Variants in MAN1A1 observed in about 807,000 individuals in gnomAD.
MAN1A1 encodes the protein mannosidase alpha class 1A member 1.
A neutral mutation model predicts 70.8 loss-of-function variants in MAN1A1; 29 were observed. The ratio of observed to expected loss-of-function variants is 0.41; its 90% CI spans 0.31 to 0.56. The LOEUF (loss-of-function observed/expected upper bound fraction) is 0.56. Among genes scored for constraint, MAN1A1 ranks in the 20% least tolerant of loss-of-function variants. MAN1A1 has a pLI of 0.29. For synonymous variants in MAN1A1, 349 were observed against 330.1 expected (o/e 1.06, Z -0.62); for missense variants, 747 against 841.3 (o/e 0.89, Z 1.39).
At chr6:119,188,713 C>A in intron 10 of MAN1A1, 136 bp from the exon 11 acceptor site, 1 of 732,664 alleles carries the variant, frequency 1.4e-6, no homozygotes, top group Non-Finnish European at 2.2e-6. Context: ...CCGAGGATAA[C>A]AAAATCCATG....
intron 5 of MAN1A1, among the ~76,000 whole-genome samples, chr6:119,279,081 T>C (rs1776158544): frequency 6.6e-6 from 1 of 152,172 alleles, no homozygotes; most frequent in Admixed American, 6.5e-5. Context: ...TTCAATCTCA[T>C]GTTATCCTAG....
In MAN1A1 at chr6:119,348,797, G is replaced by A. The variant is rs901645240; in HGVS notation, c.269C>T (p.Pro90Leu). ...GGCCGCGTCCTCGGCGCGCGCCCCG[G>A]GCCCGGGCTTGTGGTCGGCGGCCGG... ...LQPAADHKPG[P>L]GARAEDAAEG... Residue 90 changes from proline to leucine, a missense_variant, in exon 2 of 13, where the codon CCC (proline) becomes CTC (leucine). Pro to Leu is a moderately conservative substitution (Grantham distance 98). This residue lies in a region of MAN1A1 where 328 missense variants were observed against 293.1 expected (regional missense o/e 1.12). Coordinates refer to ENST00000368468, the MANE Select transcript of MAN1A1 (RefSeq NM_005907.4). 6.8e-5 allele frequency: 98 copies of A among 1,437,082 alleles called. No individual in the cohort carries two copies. The highest frequency in any genetic ancestry group is 8.9e-5 in the Non-Finnish European group (97 of 1,090,470). The allele number at this position is 1,437,082 out of a possible 1,614,324, so 89.0% of individuals were successfully genotyped here.
chr6:119,229,756 G>C (rs1252776586), intron 6 of MAN1A1, among the ~76,000 whole-genome samples: 1 of 152,016 alleles, frequency 6.6e-6, no homozygotes, highest in Non-Finnish European at 1.5e-5. Flanking sequence ...TAAAAATAAA[G>C]AAAACAAACA....
At chr6:119,289,083 A>G (rs1363752557) in intron 5 of MAN1A1, among the ~76,000 whole-genome samples, 1 of 150,678 alleles carries the variant, frequency 6.6e-6, no homozygotes, top group Non-Finnish European at 1.5e-5. Flanking sequence ...ATATATATAC[A>G]TATCAAGTAT....
chr6:119,334,016 C>T (rs1007348307), intron 2 of MAN1A1, among the ~76,000 whole-genome samples: 7 of 152,174 alleles, frequency 4.6e-5, no homozygotes, highest in African/African-American at 1.4e-4. Flanking sequence ...CCCCAACTCT[C>T]CCAAAGACAC....
At chr6:119,330,169 C>G (rs1732663670) in intron 2 of MAN1A1, among the ~76,000 whole-genome samples, 2 of 148,648 alleles carry the variant, frequency 1.3e-5, no homozygotes, top group Admixed American at 1.3e-4. Context: ...TTGATGGCCT[C>G]AAGATTGGCA....
At chr6:119,298,371 C>T (rs1463673920) in intron 4 of MAN1A1, among the ~76,000 whole-genome samples, 3 of 152,028 alleles carry the variant, frequency 2.0e-5, no homozygotes, top group African/African-American at 7.2e-5. Context: ...ACTTCCTATG[C>T]CCTAATGAAA....
chr6:119,348,338 T>C, intron 2 of MAN1A1, 125 bp downstream of exon 2: 1 of 935,458 alleles, frequency 1.1e-6, no homozygotes, highest in Non-Finnish European at 1.6e-6. Context: ...CAGCACCTGG[T>C]GGAAGGGGCA....
At chr6:119,190,884 C>T (rs868173196) in intron 9 of MAN1A1, among the ~76,000 whole-genome samples, 3 of 152,266 alleles carry the variant, frequency 2.0e-5, no homozygotes, top group Middle Eastern at 6.8e-3. Context: ...AAATGTTCTC[C>T]CCACTGCCCC....
At chr6:119,295,602 C>A (rs933103976) in intron 4 of MAN1A1, among the ~76,000 whole-genome samples, 2 of 152,088 alleles carry the variant, frequency 1.3e-5, no homozygotes, top group African/African-American at 4.8e-5. Flanking sequence ...TGGAAAAGAA[C>A]TTATCAGACA....
At chr6:119,206,349 T>C (rs533369950) in intron 6 of MAN1A1, among the ~76,000 whole-genome samples, 4 of 152,164 alleles carry the variant, frequency 2.6e-5, no homozygotes, top group Non-Finnish European at 5.9e-5. Flanking sequence ...CAGTCACAGC[T>C]CTGGGTAAAC....
chr6:119,305,039 T>C (rs568747828), intron 3 of MAN1A1, among the ~76,000 whole-genome samples: 55 of 152,322 alleles, frequency 3.6e-4, no homozygotes, highest in African/African-American at 1.3e-3. Context: ...ATGTATCTTA[T>C]TTTAATTTGA....
chr6:119,349,859 C>CGCGGGG (rs1417601229), upstream of MAN1A1: 1 of 653,524 alleles, frequency 1.5e-6, no homozygotes, highest in Admixed American at 6.3e-5. Context: ...CCCAGGGTCC[C>CGCGGGG]GCGGGGGCGG....
At chr6:119,219,021 A>T (rs1406082555) in intron 6 of MAN1A1, among the ~76,000 whole-genome samples, 1 of 152,238 alleles carries the variant, frequency 6.6e-6, no homozygotes, top group Non-Finnish European at 1.5e-5. Context: ...TGTTTATAAC[A>T]ATTAGCCAAG....
intron 9 of MAN1A1, among the ~76,000 whole-genome samples, chr6:119,193,262 C>T (rs1346933950): frequency 6.6e-6 from 1 of 152,168 alleles, no homozygotes; most frequent in Non-Finnish European, 1.5e-5. Context: ...ACTGTTGCCT[C>T]TTACTTCTCC....
chr6:119,212,961 C>A (rs938702935), intron 6 of MAN1A1, among the ~76,000 whole-genome samples: 1 of 151,968 alleles, frequency 6.6e-6, no homozygotes, highest in Non-Finnish European at 1.5e-5. Flanking sequence ...AGGAACCCAC[C>A]GGGAGAAAAT....
intron 6 of MAN1A1, among the ~76,000 whole-genome samples, chr6:119,242,845 T>C (rs1455752644): frequency 6.6e-6 from 1 of 152,148 alleles, no homozygotes. Flanking sequence ...ATGTTTGACA[T>C]TAATAACTAC....
chr6:119,266,002 C>G (rs1235194025), intron 5 of MAN1A1, among the ~76,000 whole-genome samples: 1 of 152,010 alleles, frequency 6.6e-6, no homozygotes, highest in Non-Finnish European at 1.5e-5. Flanking sequence ...ATTAAAAACA[C>G]AATACCATTG....
chr6:119,343,901 T>C (rs1332486647), intron 2 of MAN1A1, among the ~76,000 whole-genome samples: 1 of 152,226 alleles, frequency 6.6e-6, no homozygotes, highest in Non-Finnish European at 1.5e-5. Flanking sequence ...ATCTACCCTG[T>C]GTATTCAGCC....
Sources: gnomAD v4.1 joint callset for allele counts (sites outside exome capture counted in the v4.1 genomes callset) on GRCh38, gnomAD v4.1.1 for gene constraint, gnomAD v4.1.1 regional missense constraint, MANE v1.5 for transcripts, NCBI Gene and HGNC (gene_info 2026-07-23, HGNC 2026-07-21) for gene names.